The following TRMT11 variants were observed in gnomAD, a reference collection of about 807,000 sequenced individuals.
The protein encoded by TRMT11 is tRNA methyltransferase 11.
Under a neutral mutation model 62.8 loss-of-function variants are expected in TRMT11, and 53 were observed. The ratio of observed to expected loss-of-function variants is 0.84; its 90% CI spans 0.68 to 1.06. The LOEUF is 1.06. TRMT11 is among the 50% of genes least tolerant of loss of function. TRMT11 has a pLI of 0.00. For synonymous variants in TRMT11, 188 were observed against 190.3 expected, an observed-to-expected ratio of 0.99 and a Z score of 0.10; for missense variants, 556 against 553.4, an observed-to-expected ratio of 1.00 and a Z score of -0.05.
chr6:126,115,014 C>T (rs1777571373), intron 19 of TRMT11, among the ~76,000 whole-genome samples: 1 of 152,034 alleles, frequency 6.6e-6, no homozygotes, highest in Non-Finnish European at 1.5e-5. Context: ...TATGTTTCTA[C>T]CCTTTGCATT....
At chr6:126,234,468 G>A in the TRMT11 span, among the ~76,000 whole-genome samples, 13 of 152,014 alleles carry the variant, frequency 8.6e-5, no homozygotes, top group Admixed American at 7.9e-4. Context: ...TCAATTGGCA[G>A]TTGAAGTTAG....
chr6:126,051,158 T>TA (rs1002557502), intron 16 of TRMT11, among the ~76,000 whole-genome samples: 58 of 152,286 alleles, frequency 3.8e-4, no homozygotes, highest in African/African-American at 1.4e-3. Context: ...AAAGAGTGCA[T>TA]AAAGCATAAG....
chr6:126,051,821 C>G (rs1008888628), intron 16 of TRMT11, among the ~76,000 whole-genome samples: 3 of 152,238 alleles, frequency 2.0e-5, no homozygotes, highest in Admixed American at 6.5e-5. Flanking sequence ...GCATGAAGAA[C>G]TGCATAGCAG....
chr6:126,045,840 G>A (rs938235434), intron 16 of TRMT11, among the ~76,000 whole-genome samples: 2 of 152,092 alleles, frequency 1.3e-5, no homozygotes, highest in Non-Finnish European at 2.9e-5. Flanking sequence ...GCTATTTTAT[G>A]GCTCAGCTCC....
chr6:126,091,274 C>T (rs1022257695), intron 17 of TRMT11, among the ~76,000 whole-genome samples: 3 of 152,068 alleles, frequency 2.0e-5, no homozygotes, highest in African/African-American at 7.2e-5. Flanking sequence ...AACGTTACTT[C>T]ATAAGTAGTG....
At chr6:126,169,854 A>G (rs1348117968) in intron 21 of TRMT11, among the ~76,000 whole-genome samples, 1 of 152,214 alleles carries the variant, frequency 6.6e-6, no homozygotes, top group African/African-American at 2.4e-5. Context: ...AATAAAAACC[A>G]TGATATTTCA....
At chr6:126,001,655 C>T (rs1025549124) in intron 7 of TRMT11, among the ~76,000 whole-genome samples, 1 of 151,954 alleles carries the variant, frequency 6.6e-6, no homozygotes, top group African/African-American at 2.4e-5. Flanking sequence ...TGGAGAGACA[C>T]ATTAAGGCCA....
chr6:126,002,384 A>G (rs1476192416), intron 7 of TRMT11, among the ~76,000 whole-genome samples: 1 of 152,156 alleles, frequency 6.6e-6, no homozygotes, highest in Non-Finnish European at 1.5e-5. Flanking sequence ...CTTCTTCCAC[A>G]GTGAGAACCC....
At chr6:126,148,843 ACAGT>A (rs1377397927) in intron 21 of TRMT11, among the ~76,000 whole-genome samples, 4 of 152,240 alleles carry the variant, frequency 2.6e-5, no homozygotes, top group African/African-American at 4.8e-5. Context: ...TAACATTAAA[ACAGT>A]CAATGTTAGC....
intron 21 of TRMT11, among the ~76,000 whole-genome samples, chr6:126,149,072 C>T (rs994792695): frequency 6.6e-6 from 1 of 152,176 alleles, no homozygotes; most frequent in African/African-American, 2.4e-5. Context: ...TAGATAGTAT[C>T]TGGTAGGACT....
intron 16 of TRMT11, among the ~76,000 whole-genome samples, chr6:126,051,683 T>C (rs1488832442): frequency 6.6e-6 from 1 of 152,078 alleles, no homozygotes; most frequent in Non-Finnish European, 1.5e-5. Flanking sequence ...GGGAACCAGA[T>C]GAGGAGTCAG....
rs556360932 is a variant in TRMT11, at chr6:126,138,750, G to A, written c.*1823+22895G>A. On this transcript the variant is annotated intron_variant and NMD_transcript_variant, in intron 21 of 22. Transcript: ENST00000648977. Reference sequence around the variant, plus strand: ...AATGATATAAGGGTCTTTTCTGAAAGCATTAAAAAATTTAGTTATAATCTT... The same window carrying A: ...AATGATATAAGGGTCTTTTCTGAAAACATTAAAAAATTTAGTTATAATCTT... 8.5e-5 allele frequency among the ~76,000 whole-genome samples: 13 copies of A among 152,118 alleles called. No individual in the cohort carries two copies. In the South Asian group the frequency reaches 2.7e-3, roughly 32 times the overall value.
intron 1 of TRMT11, among the ~76,000 whole-genome samples, chr6:125,988,909 G>C (rs1790120900): frequency 6.6e-6 from 1 of 152,128 alleles, no homozygotes; most frequent in African/African-American, 2.4e-5. Flanking sequence ...TTTTAATTAA[G>C]TCTTAATTGA....
chr6:126,252,986 A>G, the TRMT11 span, among the ~76,000 whole-genome samples: 4 of 152,204 alleles, frequency 2.6e-5, no homozygotes, highest in African/African-American at 9.7e-5. Flanking sequence ...TGTGTTAATC[A>G]ATGCTGCCAA....
chr6:126,055,678 C>T (rs1370097402), intron 17 of TRMT11, among the ~76,000 whole-genome samples: 7 of 152,056 alleles, frequency 4.6e-5, no homozygotes, highest in Non-Finnish European at 8.8e-5. Flanking sequence ...AAGGAATTGA[C>T]GTTTTTTCCC....
chr6:126,159,859 TCTC>T (rs1458513647), intron 21 of TRMT11, among the ~76,000 whole-genome samples: 2 of 152,166 alleles, frequency 1.3e-5, no homozygotes, highest in Non-Finnish European at 2.9e-5. Context: ...CTGTGTCTCT[TCTC>T]CTCTCTCTCT....
chr6:126,211,406 C>T, the TRMT11 span, among the ~76,000 whole-genome samples: 3 of 152,104 alleles, frequency 2.0e-5, no homozygotes, highest in Non-Finnish European at 4.4e-5. Flanking sequence ...GCTAATCCAT[C>T]ATTTTCTTTC....
At chr6:126,003,492 A>G (rs968326868) in intron 7 of TRMT11, among the ~76,000 whole-genome samples, 1 of 152,016 alleles carries the variant, frequency 6.6e-6, no homozygotes, top group Non-Finnish European at 1.5e-5. Context: ...TTGGATTCCT[A>G]CCAACAGTTG....
chr6:126,268,153 C>A, the TRMT11 span, among the ~76,000 whole-genome samples: 2 of 152,132 alleles, frequency 1.3e-5, no homozygotes. Flanking sequence ...ATACACAGCA[C>A]GTCCCTTCAA....
Sources: allele counts gnomAD v4.1 joint callset (sites outside exome capture counted in the v4.1 genomes callset), GRCh38; gene constraint gnomAD v4.1.1; transcripts MANE v1.5; gene names NCBI Gene and HGNC (gene_info 2026-07-23, HGNC 2026-07-21).